MAJIN: variants seen among roughly 807,000 people sequenced by gnomAD.
MAJIN encodes membrane anchored junction protein, also known as membrane-anchored junction protein.
A neutral mutation model predicts 30.2 loss-of-function variants in MAJIN; 27 were observed. That is an observed-to-expected ratio of 0.89 (90% confidence interval 0.66 to 1.23). MAJIN has a LOEUF of 1.23. Ranked by LOEUF, MAJIN falls within the 50% of genes most tolerant of loss-of-function variation. MAJIN has a pLI of 0.00. For missense variants in MAJIN, 253 were observed against 260.3 expected (o/e 0.97, Z 0.19); for synonymous variants, 78 against 91.6 (o/e 0.85, Z 0.85).
chr11:64,961,014 C>T (rs1945712586), intron 1 of MAJIN, among the ~76,000 whole-genome samples: 1 of 152,194 alleles, frequency 6.6e-6, no homozygotes, highest in Admixed American at 6.5e-5. Flanking sequence ...AAAACTGATG[C>T]CCCATACCAA....
intron 1 of MAJIN, among the ~76,000 whole-genome samples, chr11:64,970,008 A>G (rs1172700116): frequency 6.6e-6 from 1 of 152,120 alleles, no homozygotes; most frequent in East Asian, 1.9e-4. Context: ...GATTCTAGAT[A>G]AGACTGCTGG....
At chr11:64,939,053 C>A (rs1945332085) in intron 10 of MAJIN, among the ~76,000 whole-genome samples, 1 of 152,156 alleles carries the variant, frequency 6.6e-6, no homozygotes, top group African/African-American at 2.4e-5. Flanking sequence ...CCTCAGCACC[C>A]CCAGTAGCTG....
intron 8 of MAJIN, 131 bp from the exon 9 acceptor site, chr11:64,940,777 T>C (rs918928968): frequency 2.9e-6 from 2 of 691,534 alleles, no homozygotes; most frequent in South Asian, 1.8e-5. Context: ...AGACAGGTTC[T>C]ATATTTCTTT....
chr11:64,961,544 C>T (rs1945725926), intron 1 of MAJIN, among the ~76,000 whole-genome samples: 3 of 129,554 alleles, frequency 2.3e-5, no homozygotes, highest in Admixed American at 1.9e-4. Context: ...GGCGTGATCT[C>T]TGCTCACTGC....
chr11:64,941,969 A>G (rs1945386047), intron 8 of MAJIN, among the ~76,000 whole-genome samples: 2 of 152,226 alleles, frequency 1.3e-5, no homozygotes, highest in African/African-American at 4.8e-5. Context: ...TAGCAACACA[A>G]TATAACACAA....
Position 64,938,962 on chromosome 11 carries a change from C to T in MAJIN, c.*2-389G>A, listed in dbSNP as rs547721762. On this transcript the variant is annotated intron_variant, in intron 10 of 10. Transcript: ENST00000301896. ...TTGGTTTTTTTGAGACAGAGTCTTG[C>T]TCTGTTGTCCAGGCTGGAGTGCAAT... is the stretch of plus-strand genomic sequence containing the variant. Among the ~76,000 whole-genome samples the T allele has an allele frequency of 2.0e-4, 31 of 152,306 alleles. 1 individual carries two copies. The highest frequency in any genetic ancestry group is 7.2e-4 in the African/African-American group (30 of 41,558).
At chr11:64,958,511 C>T (rs1328702484) in intron 3 of MAJIN, among the ~76,000 whole-genome samples, 5 of 147,274 alleles carry the variant, frequency 3.4e-5, no homozygotes, top group Non-Finnish European at 5.9e-5. Flanking sequence ...CCTAGCTTCT[C>T]TGGAAGCTGA....
intron 8 of MAJIN, 28 bp downstream of exon 8, chr11:64,947,346 A>G: frequency 6.3e-7 from 1 of 1,582,252 alleles, no homozygotes; most frequent in Non-Finnish European, 8.6e-7. Context: ...AGGACGCAGG[A>G]GCGAGCCTCT....
At chr11:64,962,692 A>G (rs558560151) in intron 1 of MAJIN, among the ~76,000 whole-genome samples, 6 of 152,322 alleles carry the variant, frequency 3.9e-5, no homozygotes, top group Non-Finnish European at 7.4e-5. Context: ...ATGTCTACAA[A>G]TGGGGATTCC....
In MAJIN at chr11:64,947,382, C is replaced by T. The variant is rs757900939; in HGVS notation, c.465G>A (p.Gly155=). Reference sequence around the variant, plus strand: ...CTCCCCACACCACTGACCTGTCCAGCCCTGGCCTGCTGGGGGAGCTGGGCT... The same window carrying T: ...CTCCCCACACCACTGACCTGTCCAGTCCTGGCCTGCTGGGGGAGCTGGGCT... ...MDEPSSPSRP[G]LDRIGKEKPN... is the part of the protein sequence containing the mutation. The change falls in exon 8 of 11, where the codon GGG becomes GGA. Residue 155 remains glycine (G), a synonymous_variant. Transcript: ENST00000301896. 6.8e-6 allele frequency: 11 copies of T among 1,613,162 alleles called. No individual in the cohort carries two copies. The highest frequency in any genetic ancestry group is 1.1e-5 in the South Asian group (1 of 91,078).
At chr11:64,962,193 C>T (rs1343146317) in intron 1 of MAJIN, among the ~76,000 whole-genome samples, 4 of 152,142 alleles carry the variant, frequency 2.6e-5, no homozygotes, top group Non-Finnish European at 4.4e-5. Context: ...AATGACAGTC[C>T]GAAGAGGAAA....
At chr11:64,959,936 C>T (rs560375434) in intron 2 of MAJIN, among the ~76,000 whole-genome samples, 153 bp downstream of exon 2, 2 of 152,210 alleles carry the variant, frequency 1.3e-5, no homozygotes, top group African/African-American at 2.4e-5. Context: ...AACTTCCTGC[C>T]ACAACCAATG....
intron 9 of MAJIN, 93 bp from the exon 10 acceptor site, chr11:64,939,860 C>A: frequency 9.4e-7 from 1 of 1,067,442 alleles, no homozygotes; most frequent in Admixed American, 2.5e-5. Flanking sequence ...GAGCCAGAGG[C>A]AGTCTCACGC....
intron 1 of MAJIN, among the ~76,000 whole-genome samples, chr11:64,961,722 C>T (rs1408672635): frequency 4.8e-5 from 7 of 144,922 alleles, no homozygotes; most frequent in Admixed American, 2.7e-4. Flanking sequence ...GTGATCCGCC[C>T]GCCTCGGCCT....
At chr11:64,950,892 T>C (rs1302555882) in intron 4 of MAJIN, among the ~76,000 whole-genome samples, 2 of 152,180 alleles carry the variant, frequency 1.3e-5, no homozygotes, top group Non-Finnish European at 2.9e-5. Context: ...CGCTTCTCCA[T>C]TTCTATGCTT....
intron 3 of MAJIN, among the ~76,000 whole-genome samples, chr11:64,956,836 C>T (rs907019524): frequency 4.8e-5 from 7 of 147,058 alleles, no homozygotes; most frequent in South Asian, 2.2e-4. Flanking sequence ...GCGCAATCTC[C>T]GCTCACTGCA....
rs78344872 is a variant in MAJIN, at chr11:64,957,512, T to C, written c.101+1793A>G. Among the ~76,000 whole-genome samples, 1,514 of 152,300 alleles carry C rather than the reference T, an allele frequency of 9.9e-3. 24 individuals are homozygous for C. The highest frequency in any genetic ancestry group is 0.033 in the African/African-American group (1,387 of 41,550). Reference sequence around the variant, plus strand: ...TCTGCCTCCCAGGTTGAACTGATTCTCCTGTCTCAGCCTCCCGAGTAGCTG... The same window carrying C: ...TCTGCCTCCCAGGTTGAACTGATTCCCCTGTCTCAGCCTCCCGAGTAGCTG... On this transcript the variant is annotated intron_variant, in intron 3 of 10. Coordinates refer to ENST00000301896, the MANE Select transcript of MAJIN (RefSeq NM_001037225.3).
intron 8 of MAJIN, among the ~76,000 whole-genome samples, chr11:64,942,011 T>C (rs1485788136): frequency 2.6e-5 from 4 of 152,224 alleles, no homozygotes; most frequent in Non-Finnish European, 5.9e-5. Flanking sequence ...TGCTGCTTTA[T>C]AGAAATTTCT....
chr11:64,959,971 G>A (rs1945697977), intron 2 of MAJIN, 118 bp downstream of exon 2: 1 of 152,352 alleles, frequency 6.6e-6, no homozygotes, highest in South Asian at 2.1e-4. Flanking sequence ...GTACACTCAT[G>A]TTTTTGAGTG....
Sources: allele counts gnomAD v4.1 joint callset (sites outside exome capture counted in the v4.1 genomes callset), GRCh38; gene constraint gnomAD v4.1.1; transcripts MANE v1.5; gene names NCBI Gene and HGNC (gene_info 2026-07-23, HGNC 2026-07-21).